The following TDRD12 variants were observed in gnomAD, a reference collection of about 807,000 sequenced individuals.
The protein encoded by TDRD12 is putative ATP-dependent RNA helicase TDRD12.
In TDRD12, 158 loss-of-function variants were observed where a neutral mutation model predicts 133.5. The observed-to-expected ratio is 1.18, with a 90% CI of 1.04 to 1.35. TDRD12 has a LOEUF of 1.35. TDRD12 is among the 40% of genes most tolerant of loss of function. TDRD12 has a pLI of 0.00. For synonymous variants in TDRD12, 460 were observed against 477.9 expected, an observed-to-expected ratio of 0.96 and a Z score of 0.49; for missense variants, 1,443 against 1,321.3, an observed-to-expected ratio of 1.09 and a Z score of -1.43.
intron 25 of TDRD12, among the ~76,000 whole-genome samples, chr19:32,814,101 T>C (rs1323411043): frequency 6.6e-6 from 1 of 152,226 alleles, no homozygotes; most frequent in Non-Finnish European, 1.5e-5. Flanking sequence ...TCTAACTTTC[T>C]CATTCACCAC....
At chr19:32,802,928 C>A in exon 21 of TDRD12, 1 of 1,534,538 alleles carries the variant, frequency 6.5e-7, no homozygotes, top group South Asian at 1.2e-5. Flanking sequence ...TCAGGGTTCT[C>A]CTGCAGAACA....
chr19:32,822,426 C>T (rs971779129), downstream of TDRD12, among the ~76,000 whole-genome samples: 16 of 151,972 alleles, frequency 1.1e-4, no homozygotes, highest in African/African-American at 2.4e-4. Flanking sequence ...AATGAGACTC[C>T]GTCTCAAAAT....
chr19:32,732,897 G>T (rs1157958719), intron 2 of TDRD12, among the ~76,000 whole-genome samples: 1 of 152,202 alleles, frequency 6.6e-6, no homozygotes, highest in Non-Finnish European at 1.5e-5. Flanking sequence ...TTTGGGTTGG[G>T]CATGCTGGCT....
At chr19:32,770,871 A>G (rs1970424129) in intron 8 of TDRD12, among the ~76,000 whole-genome samples, 1 of 152,240 alleles carries the variant, frequency 6.6e-6, no homozygotes, top group Non-Finnish European at 1.5e-5. Flanking sequence ...TGTTGATTAT[A>G]TAATTAATAT....
At chr19:32,789,798 C>G (rs139301971) in intron 11 of TDRD12, among the ~76,000 whole-genome samples, 10 of 152,064 alleles carry the variant, frequency 6.6e-5, no homozygotes, top group Non-Finnish European at 1.5e-4. Context: ...GTCAGGAGTT[C>G]GAGACCAGCC....
chr19:32,814,394 T>C (rs185615751), intron 25 of TDRD12, among the ~76,000 whole-genome samples: 4 of 149,982 alleles, frequency 2.7e-5, no homozygotes, highest in Non-Finnish European at 5.9e-5. Flanking sequence ...TTACCAGATT[T>C]AACAGAGTCA....
intron 1 of TDRD12, among the ~76,000 whole-genome samples, chr19:32,729,361 G>T (rs1223838641): frequency 2.0e-5 from 3 of 151,120 alleles, no homozygotes; most frequent in Non-Finnish European, 4.4e-5. Context: ...GGGACTACGG[G>T]TATCTGCCAC....
intron 6 of TDRD12, 101 bp from the exon 7 acceptor site, chr19:32,755,891 T>C: frequency 2.3e-6 from 2 of 863,790 alleles, no homozygotes; most frequent in Admixed American, 8.2e-5. Flanking sequence ...GTAAAATAAT[T>C]TCTCTGAAGG....
intron 4 of TDRD12, among the ~76,000 whole-genome samples, chr19:32,746,904 GA>G (rs1969659656): frequency 6.6e-6 from 1 of 150,738 alleles, no homozygotes; most frequent in African/African-American, 2.4e-5. Flanking sequence ...GAGAGAGAGA[GA>G]GAGGGAGAGA....
intron 9 of TDRD12, 70 bp downstream of exon 32, chr19:32,826,819 C>T: frequency 2.0e-6 from 2 of 990,622 alleles, no homozygotes; most frequent in Non-Finnish European, 2.6e-6. Context: ...CCATCACCCA[C>T]TTAGGAATTC....
At chr19:32,818,342 C>G (rs1967258340) in intron 27 of TDRD12, among the ~76,000 whole-genome samples, 185 bp downstream of exon 27, 1 of 152,188 alleles carries the variant, frequency 6.6e-6, no homozygotes, top group African/African-American at 2.4e-5. Flanking sequence ...CCCGGAGGTG[C>G]TGGGCCAGGT....
intron 21 of TDRD12, among the ~76,000 whole-genome samples, chr19:32,803,636 G>T (rs1971462331): frequency 6.6e-6 from 1 of 152,184 alleles, no homozygotes; most frequent in Admixed American, 6.5e-5. Context: ...GAGGGCAAGT[G>T]GCAGGTCATG....
intron 1 of TDRD12, among the ~76,000 whole-genome samples, chr19:32,725,838 C>T (rs952107065): frequency 2.0e-4 from 30 of 152,128 alleles, no homozygotes; most frequent in Middle Eastern, 3.4e-3. Flanking sequence ...TCTTCCTATC[C>T]GCGAGCATGG....
chr19:32,788,214 C>G (rs1052054734), intron 11 of TDRD12, among the ~76,000 whole-genome samples: 2 of 151,918 alleles, frequency 1.3e-5, no homozygotes, highest in African/African-American at 4.8e-5. Context: ...CTTCTGCCTC[C>G]TGGGTTCAAG....
chr19:32,802,847 G>A (rs1318641117), intron 20 of TDRD12, 58 bp downstream of exon 20: 2 of 1,531,788 alleles, frequency 1.3e-6, no homozygotes, highest in Non-Finnish European at 1.7e-6. Flanking sequence ...GTCATGATAA[G>A]CTCAGAGTCC....
chr19:32,797,654 A>C, intron 14 of TDRD12, 81 bp from the exon 15 acceptor site: 2 of 571,450 alleles, frequency 3.5e-6, no homozygotes, highest in Non-Finnish European at 3.1e-6. Context: ...CTTCTGTGCA[A>C]GGAGATGTTC....
At chr19:32,767,924 T>C (rs1034220096) in intron 8 of TDRD12, among the ~76,000 whole-genome samples, 1 of 152,200 alleles carries the variant, frequency 6.6e-6, no homozygotes, top group African/African-American at 2.4e-5. Context: ...ACCTGTAAGC[T>C]AAAAATGATT....
chr19:32,780,066 C>A (rs1970716050), intron 11 of TDRD12, among the ~76,000 whole-genome samples: 1 of 150,014 alleles, frequency 6.7e-6, no homozygotes. Context: ...CCGAATATGC[C>A]CATTCTTTTT....
exon 16 of TDRD12, chr19:32,798,414 A>G (rs1971292376): frequency 2.0e-6 from 3 of 1,535,428 alleles, no homozygotes; most frequent in South Asian, 2.4e-5. Flanking sequence ...TAGAGGTGCT[A>G]TTCTTGGAAG....
Sources: gnomAD v4.1 joint callset for allele counts (sites outside exome capture counted in the v4.1 genomes callset) on GRCh38, gnomAD v4.1.1 for gene constraint, MANE v1.5 for transcripts, NCBI Gene and HGNC (gene_info 2026-07-23, HGNC 2026-07-21) for gene names.